RAP1GAP: variants seen among roughly 807,000 people sequenced by gnomAD.
RAP1GAP encodes rap1 GTPase-activating protein 1.
In RAP1GAP, 35 loss-of-function variants were observed where a neutral mutation model predicts 87.2. The observed-to-expected ratio is 0.40, with a 90% CI of 0.31 to 0.53. RAP1GAP has a LOEUF of 0.53. Among genes scored for constraint, RAP1GAP ranks in the 20% least tolerant of loss-of-function variants. RAP1GAP has a pLI of 0.48. For synonymous variants in RAP1GAP, 375 were observed against 363.9 expected (o/e 1.03, Z -0.35); for missense variants, 734 against 898.9 (o/e 0.82, Z 2.35).
intron 1 of RAP1GAP, chr1:21,651,601 C>A (rs1214109240): frequency 8.5e-6 from 6 of 708,110 alleles, no homozygotes; most frequent in Non-Finnish European, 1.6e-5. Flanking sequence ...GAAACACACA[C>A]ACACAGGCGC....
At position 21,602,877 on chromosome 1, in the gene RAP1GAP, T is replaced by G; in HGVS notation, c.1465A>C (p.Lys489Gln). 1 of 1,610,166 alleles carries G rather than the reference T, an allele frequency of 6.2e-7. No individual in the cohort carries two copies. Among genetic ancestry groups the G allele is most frequent in the Non-Finnish European group, 8.5e-7 (1 of 1,179,580 alleles). ...CGGCGGGAGCCGAACGGGCCCGACT[T>G]CTTCCTCGTGGGGCTCTTCCCAGGG... is the stretch of plus-strand genomic sequence containing the variant. ...IVPGKSPTRK[K>Q]SGPFGSRRSS... Residue 489 changes from lysine (K) to glutamine (Q), a missense_variant, in exon 19 of 25, where the codon AAG becomes CAG. Lys to Gln is a moderately conservative substitution (Grantham distance 53, BLOSUM62 1). This residue lies in a region of RAP1GAP where 249 missense variants were observed against 252.7 expected (regional missense o/e 0.99). Coordinates refer to ENST00000374765, the MANE Select transcript of RAP1GAP (RefSeq NM_002885.4).
At chr1:21,649,870 A>C in intron 1 of RAP1GAP, 74 bp from the exon 2 acceptor site, 1 of 1,430,208 alleles carries the variant, frequency 7.0e-7, no homozygotes, top group Non-Finnish European at 9.6e-7. Context: ...TATCACACCC[A>C]CCTGCACTGC....
intron 1 of RAP1GAP, among the ~76,000 whole-genome samples, chr1:21,666,576 A>C (rs2097356254): frequency 6.6e-6 from 1 of 152,184 alleles, no homozygotes; most frequent in Non-Finnish European, 1.5e-5. Flanking sequence ...TCTTGGGGCC[A>C]GTCAAGCTGG....
At chr1:21,597,588 C>T (rs1645797275) in intron 24 of RAP1GAP, 98 bp downstream of exon 24, 1 of 1,284,648 alleles carries the variant, frequency 7.8e-7, no homozygotes, top group Non-Finnish European at 1.1e-6. Flanking sequence ...ATAGCTCCCA[C>T]CCCAGAGAGG....
At chr1:21,652,072 G>GCGGGGCC (rs1372259930) in intron 1 of RAP1GAP, among the ~76,000 whole-genome samples, 6 of 151,630 alleles carry the variant, frequency 4.0e-5, no homozygotes, top group South Asian at 2.1e-4. Context: ...GGCGGGGATT[G>GCGGGGCC]CGGGGCCCGG....
intron 2 of RAP1GAP, among the ~76,000 whole-genome samples, chr1:21,637,124 A>G (rs2094862578): frequency 6.6e-6 from 1 of 150,428 alleles, no homozygotes; most frequent in Admixed American, 6.6e-5. Context: ...GGTGCCTCCC[A>G]CATTTGAAAT....
intron 4 of RAP1GAP, 31 bp from the exon 5 acceptor site, chr1:21,619,103 C>T: frequency 6.4e-7 from 1 of 1,573,060 alleles, no homozygotes; most frequent in Admixed American, 1.8e-5. Context: ...GTTACACCCT[C>T]CCAGGCCTGC....
intron 4 of RAP1GAP, among the ~76,000 whole-genome samples, chr1:21,619,375 GA>G (rs2084975310): frequency 6.6e-6 from 1 of 151,790 alleles, no homozygotes; most frequent in Admixed American, 6.6e-5. Flanking sequence ...CGGGTGGGGG[GA>G]CTGTTATCTA....
chr1:21,663,221 G>A (rs1284285912), intron 1 of RAP1GAP, among the ~76,000 whole-genome samples: 1 of 152,196 alleles, frequency 6.6e-6, no homozygotes, highest in Non-Finnish European at 1.5e-5. Flanking sequence ...CCTGGGAGAG[G>A]GGCTGTAAGG....
chr1:21,599,581 C>T lies in RAP1GAP; in HGVS notation c.1689G>A (p.Lys563=), dbSNP rs764556894. The change falls in exon 21 of 25, where the codon AAG becomes AAA. Residue 563 remains lysine, a synonymous_variant. Transcript: ENST00000374765. ...CACTGGACGAGGAGCGGGAGAAGTC[C>T]TTGAGCGCCTCTGCTCTCTGCGCTG... ...ETAAQRAEAL[K]DFSRSSSSAS... 7.5e-6 allele frequency: 12 copies of T among 1,608,452 alleles called. No homozygotes were observed. The highest frequency in any genetic ancestry group is 1.0e-5 in the Non-Finnish European group (12 of 1,179,958).
At position 21,622,450 on chromosome 1, in the gene RAP1GAP, C is replaced by G. The variant is rs2088911120; in HGVS notation, c.-18-2400G>C. ...CCCGGCCCGGCCCCCGCCGGGGCGG[C>G]ACTTCAGCTGGCCCAGCCGGCTCCT... On this transcript the variant is annotated intron_variant, in intron 3 of 24. Transcript: ENST00000374765. The surrounding 1 kb of genome is among the most constrained non-coding windows in gnomAD (Gnocchi z 5.7). 1 of 214,054 alleles carries G rather than the reference C, an allele frequency of 4.7e-6. No individual in the cohort carries two copies. Among genetic ancestry groups the G allele is most frequent in the African/African-American group, 2.4e-5 (1 of 42,486 alleles). The allele number at this position is 214,054 out of a possible 1,614,324, so 13.3% of individuals were successfully genotyped here.
intron 2 of RAP1GAP, among the ~76,000 whole-genome samples, chr1:21,628,667 C>A (rs1471570941): frequency 2.0e-5 from 3 of 152,100 alleles, no homozygotes; most frequent in Non-Finnish European, 4.4e-5. Context: ...TTGCAGTGAG[C>A]TGAAATTGCG....
intron 10 of RAP1GAP, among the ~76,000 whole-genome samples, chr1:21,612,760 G>T (rs1295933021): frequency 6.6e-6 from 1 of 152,202 alleles, no homozygotes; most frequent in Non-Finnish European, 1.5e-5. Flanking sequence ...AGTGCCTAGA[G>T]CCCAGCTACC....
chr1:21,613,000 G>T (rs3767113), intron 10 of RAP1GAP, 176 bp downstream of exon 10: 2 of 690,128 alleles, frequency 2.9e-6, no homozygotes, highest in Non-Finnish European at 2.6e-6. Context: ...CCTGGGGGAA[G>T]GCACAGGCCC....
At chr1:21,628,642 C>A (rs1280847316) in intron 2 of RAP1GAP, among the ~76,000 whole-genome samples, 16 of 152,134 alleles carry the variant, frequency 1.1e-4, no homozygotes, top group Admixed American at 2.6e-4. Flanking sequence ...ATCGCTTGAA[C>A]CCGGGAGGCG....
At chr1:21,662,961 G>A (rs914687007) in intron 1 of RAP1GAP, among the ~76,000 whole-genome samples, 1 of 152,124 alleles carries the variant, frequency 6.6e-6, no homozygotes, top group East Asian at 1.9e-4. Context: ...AATTGCTCAG[G>A]CCCCATCATG....
At chr1:21,656,768 G>A (rs1308760016) in intron 1 of RAP1GAP, among the ~76,000 whole-genome samples, 1 of 152,198 alleles carries the variant, frequency 6.6e-6, no homozygotes, top group Non-Finnish European at 1.5e-5. Flanking sequence ...GACCCCATCA[G>A]GGACCAGGAA....
rs570248076 is a variant in RAP1GAP, at chr1:21,613,770, C to T, written c.396-64G>A. ...AGGACAGGAAAATGGGAACCCCACC[C>T]CCCACAAAGTAAGGCCAGAAGGGGG... On this transcript the variant is annotated intron_variant, in intron 8 of 24. Transcript: ENST00000374765. The surrounding 1 kb of genome is among the most constrained non-coding windows in gnomAD (Gnocchi z 4.7). 57 of 1,484,062 alleles carry T rather than the reference C, an allele frequency of 3.8e-5. No individual in the cohort carries two copies. In the African/African-American group the frequency reaches 7.6e-4, roughly 20 times the overall value. The allele number at this position is 1,484,062 out of a possible 1,614,324, so 91.9% of individuals were successfully genotyped here. A position where few individuals can be genotyped will look rare whatever the true frequency, so the allele number is the denominator to read the frequency against.
At position 21,622,354 on chromosome 1, in the gene RAP1GAP, C is replaced by A. The variant is rs2088736859; in HGVS notation, c.-18-2304G>T. Reference sequence around the variant, plus strand: ...GGGTCCTCACCTGCCAGCTGGCCCCCGCGGGCAGCGAGCCCCTCCGCGGAC... The same window carrying A: ...GGGTCCTCACCTGCCAGCTGGCCCCAGCGGGCAGCGAGCCCCTCCGCGGAC... On this transcript the variant is annotated intron_variant, in intron 3 of 24. Transcript: ENST00000374765. This position sits in a 1 kb window ranked among gnomAD's most constrained non-coding sequence, Gnocchi z 5.7. 2.1e-6 allele frequency: 1 copy of A among 468,196 alleles called. No individual in the cohort carries two copies. The highest frequency in any genetic ancestry group is 3.8e-6 in the Non-Finnish European group (1 of 265,316). The allele number at this position is 468,196 out of a possible 1,614,324, so 29.0% of individuals were successfully genotyped here. A position where few individuals can be genotyped will look rare whatever the true frequency, so the allele number is the denominator to read the frequency against.
Sources: gnomAD v4.1 joint callset for allele counts (sites outside exome capture counted in the v4.1 genomes callset) on GRCh38, gnomAD v4.1.1 for gene constraint, gnomAD v4.1.1 regional missense constraint, Gnocchi (gnomAD v3.1) non-coding constraint, MANE v1.5 for transcripts, NCBI Gene and HGNC (gene_info 2026-07-23, HGNC 2026-07-21) for gene names.